ASXL3: variants seen among roughly 807,000 people sequenced by gnomAD.
ASXL3 encodes putative Polycomb group protein ASXL3.
Under a neutral mutation model 170.6 loss-of-function variants are expected in ASXL3, and 34 were observed. The ratio of observed to expected loss-of-function variants is 0.20; its 90% CI spans 0.15 to 0.27. The LOEUF is 0.27. ASXL3 is among the 10% of genes least tolerant of loss of function. The probability of loss-of-function intolerance (pLI) is 1.00; values close to 1 mark genes in which losing one functional copy is unlikely to be tolerated. For missense variants in ASXL3, 2,592 were observed against 2,695.3 expected (o/e 0.96, Z 0.85); for synonymous variants, 1,002 against 989.1 (o/e 1.01, Z -0.24).
rs1332418051 is a variant in ASXL3 at position 33,738,706 on chromosome 18, G to A, written c.1302G>A (p.Met434Ile). 1 of 1,613,940 alleles carries A rather than the reference G, an allele frequency of 6.2e-7. No individual in the cohort carries two copies. Among genetic ancestry groups the A allele is most frequent in the Middle Eastern group, 1.6e-4 (1 of 6,062 alleles). ...TAGAAATTCCACCTAAAGATATAAT[G>A]GCAGAATTGGAGTCAGAGGATATCT... ...PMVEIPPKDI[M>I]AELESEDILI... Residue 434 changes from methionine to isoleucine, a missense_variant, in exon 11 of 12, where the codon ATG (methionine) becomes ATA (isoleucine). Met to Ile is a conservative substitution (Grantham distance 10, BLOSUM62 1). Transcript: ENST00000269197.
chr18:33,670,625 T>A, intron 5 of ASXL3, 48 bp from the exon 6 acceptor site: 1 of 1,360,642 alleles, frequency 7.3e-7, no homozygotes, highest in African/African-American at 1.5e-5. Context: ...TTATGAGAAA[T>A]TATTTTGGCT....
intron 8 of ASXL3, among the ~76,000 whole-genome samples, chr18:33,718,458 G>A (rs1283256450): frequency 6.6e-6 from 1 of 152,106 alleles, no homozygotes; most frequent in Non-Finnish European, 1.5e-5. Flanking sequence ...TATCTCCATC[G>A]GTTGGGAGTG....
chr18:33,731,880 A>G (rs889888947), intron 8 of ASXL3, 88 bp from the exon 9 acceptor site: 5 of 970,834 alleles, frequency 5.2e-6, no homozygotes, highest in East Asian at 2.4e-5. Context: ...ACACTGCCCA[A>G]CACCACTCAA....
At chr18:33,721,471 GTATA>G (rs1011733437) in intron 8 of ASXL3, among the ~76,000 whole-genome samples, 2 of 152,016 alleles carry the variant, frequency 1.3e-5, no homozygotes, top group African/African-American at 4.8e-5. Flanking sequence ...AAGTACATGT[GTATA>G]TATGTTTAGA....
chr18:33,712,371 T>G (rs2067081531), intron 8 of ASXL3, among the ~76,000 whole-genome samples: 1 of 152,222 alleles, frequency 6.6e-6, no homozygotes, highest in Non-Finnish European at 1.5e-5. Flanking sequence ...ATTGACACAC[T>G]TATAAATAGA....
chr18:33,729,975 A>G (rs1599552268), intron 8 of ASXL3, among the ~76,000 whole-genome samples: 1 of 152,080 alleles, frequency 6.6e-6, no homozygotes, highest in Non-Finnish European at 1.5e-5. Context: ...CTGATTGATT[A>G]TCCTATCTGT....
intron 4 of ASXL3, among the ~76,000 whole-genome samples, chr18:33,646,884 G>GA (rs1328868381): frequency 1.4e-5 from 2 of 148,132 alleles, no homozygotes; most frequent in East Asian, 2.1e-4. Flanking sequence ...GGGGAGCGGG[G>GA]GGGGGGGGCA....
chr18:33,578,583 C>A lies in ASXL3; in HGVS notation c.-49C>A. On this transcript the variant is annotated 5_prime_UTR_variant, in exon 1 of 12. Transcript: ENST00000269197. ...GTCTCCGCGCCCGAACCCCGAGCAC[C>A]CCGTGGAATCCCCCACGTCATCATC... The A allele has an allele frequency of 8.4e-7, 1 of 1,186,182 alleles. No homozygotes were observed. The highest frequency in any genetic ancestry group is 2.7e-5 in the Admixed American group (1 of 36,574). The allele number at this position is 1,186,182 out of a possible 1,614,324, so 73.5% of individuals were successfully genotyped here. A position where few individuals can be genotyped will look rare whatever the true frequency, so the allele number is the denominator to read the frequency against.
intron 2 of ASXL3, among the ~76,000 whole-genome samples, chr18:33,635,276 C>T (rs2065747395): frequency 6.6e-6 from 1 of 152,190 alleles, no homozygotes; most frequent in Non-Finnish European, 1.5e-5. Context: ...TAAGCTCTCT[C>T]TTTGGCATCC....
intron 2 of ASXL3, among the ~76,000 whole-genome samples, chr18:33,632,580 A>G (rs1295300681): frequency 6.6e-6 from 1 of 152,118 alleles, no homozygotes; most frequent in Non-Finnish European, 1.5e-5. Flanking sequence ...TCCCAGTCCT[A>G]AACTCCTTCT....
At chr18:33,603,388 A>G (rs2065205277) in intron 1 of ASXL3, among the ~76,000 whole-genome samples, 1 of 151,964 alleles carries the variant, frequency 6.6e-6, no homozygotes, top group African/African-American at 2.4e-5. Flanking sequence ...CTTTCCTTTA[A>G]TTATATTGCA....
chr18:33,745,599 C>T lies in ASXL3; in HGVS notation c.5751C>T (p.Gly1917=), dbSNP rs749451215. ...QQNLFHVDKN[G]GFHTDAGTSH... ...ACCTATTTCATGTTGACAAGAATGG[C>T]GGCTTCCACACTGACGCTGGTACCT... Residue 1917 remains glycine (G), a synonymous_variant, in exon 12 of 12, where the codon GGC becomes GGT. Transcript: ENST00000269197. 18 of 1,613,828 alleles carry T rather than the reference C, an allele frequency of 1.1e-5. No homozygotes were observed. Among genetic ancestry groups the T allele is most frequent in the Admixed American group, 5.0e-5 (3 of 59,988 alleles).
intron 4 of ASXL3, among the ~76,000 whole-genome samples, chr18:33,646,880 C>CGGGGG (rs56102471): frequency 2.3e-5 from 1 of 43,878 alleles, no homozygotes; most frequent in African/African-American, 1.0e-4. Context: ...TAAGGGGGAG[C>CGGGGG]GGGGGGGGGG....
At chr18:33,678,249 C>T (rs928487224) in intron 7 of ASXL3, among the ~76,000 whole-genome samples, 5 of 152,038 alleles carry the variant, frequency 3.3e-5, no homozygotes, top group African/African-American at 1.2e-4. Flanking sequence ...CAGAATCATT[C>T]CTCTCTAATT....
At chr18:33,698,475 G>A (rs2145319718) in intron 8 of ASXL3, among the ~76,000 whole-genome samples, 1 of 152,234 alleles carries the variant, frequency 6.6e-6, no homozygotes, top group East Asian at 1.9e-4. Flanking sequence ...TGGAAGCAGT[G>A]AATAACTAAT....
At chr18:33,652,114 A>G (rs2066008291) in intron 4 of ASXL3, among the ~76,000 whole-genome samples, 1 of 152,060 alleles carries the variant, frequency 6.6e-6, no homozygotes, top group African/African-American at 2.4e-5. Context: ...ACCCATGACC[A>G]TTTATGCCTA....
chr18:33,619,619 T>C (rs542202457), intron 2 of ASXL3, among the ~76,000 whole-genome samples: 1 of 152,162 alleles, frequency 6.6e-6, no homozygotes, highest in East Asian at 1.9e-4. Flanking sequence ...TAGAAGATGG[T>C]GCTCTGAGGG....
At position 33,746,614 on chromosome 18, in the gene ASXL3, A is replaced by C. The variant is rs2067799769; in HGVS notation, c.*19A>C. Reference sequence around the variant, plus strand: ...ACGATAAGAGCTGAGTGAAAGATGCAGTATCCCTTTTCCACACGGAAAAGC... The same window carrying C: ...ACGATAAGAGCTGAGTGAAAGATGCCGTATCCCTTTTCCACACGGAAAAGC... On this transcript the variant is annotated 3_prime_UTR_variant, in exon 12 of 12. Transcript: ENST00000269197. 1 of 1,547,186 alleles carries C rather than the reference A, an allele frequency of 6.5e-7. No individual in the cohort carries two copies. Among genetic ancestry groups the C allele is most frequent in the East Asian group, 2.3e-5 (1 of 43,984 alleles).
chr18:33,594,593 C>G (rs949267089), intron 1 of ASXL3, among the ~76,000 whole-genome samples: 1 of 152,068 alleles, frequency 6.6e-6, no homozygotes, highest in Middle Eastern at 3.2e-3. Context: ...TATAAATATA[C>G]CTTAATTCCT....
Sources: allele counts gnomAD v4.1 joint callset (sites outside exome capture counted in the v4.1 genomes callset), GRCh38; gene constraint gnomAD v4.1.1; transcripts MANE v1.5; gene names NCBI Gene and HGNC (gene_info 2026-07-23, HGNC 2026-07-21).